The following WDFY1 variants were observed in gnomAD, a reference collection of about 807,000 sequenced individuals.
WDFY1 encodes the protein WD repeat and FYVE domain-containing protein 1.
In WDFY1, 32 loss-of-function variants were observed where a neutral mutation model predicts 56.4. The observed-to-expected ratio is 0.57, with a 90% confidence interval of 0.43 to 0.76. WDFY1 has a LOEUF of 0.76. Ranked by LOEUF, WDFY1 falls within the 30% of genes least tolerant of loss-of-function variation. The pLI is 0.00. For missense variants in WDFY1, 480 were observed against 545.7 expected, an observed-to-expected ratio of 0.88 and a Z score of 1.20; for synonymous variants, 192 against 197.3, an observed-to-expected ratio of 0.97 and a Z score of 0.23.
At chr2:223,916,504 T>TGCACTA (rs1247749730) in intron 2 of WDFY1, among the ~76,000 whole-genome samples, 1 of 152,218 alleles carries the variant, frequency 6.6e-6, no homozygotes, top group Non-Finnish European at 1.5e-5. Flanking sequence ...TCATCACGCA[T>TGCACTA]GCACTAAAGC....
intron 1 of WDFY1, 111 bp downstream of exon 1, chr2:223,945,037 G>C: frequency 7.8e-7 from 1 of 1,287,404 alleles, no homozygotes; most frequent in African/African-American, 1.6e-5. Flanking sequence ...GGGTGGGGCC[G>C]TGCTGCCGGG....
intron 11 of WDFY1, 77 bp downstream of exon 11, chr2:223,880,047 T>A (rs1693038811): frequency 8.0e-7 from 1 of 1,246,180 alleles, no homozygotes; most frequent in Non-Finnish European, 1.2e-6. Context: ...TCAGAAAGAG[T>A]GACTGTCTCC....
At chr2:223,913,444 G>A (rs1261705229) in intron 2 of WDFY1, among the ~76,000 whole-genome samples, 1 of 152,118 alleles carries the variant, frequency 6.6e-6, no homozygotes, top group Non-Finnish European at 1.5e-5. Context: ...GGTACGTACT[G>A]AAATTGTGCA....
At chr2:223,891,695 T>C (rs1332363631) in intron 8 of WDFY1, among the ~76,000 whole-genome samples, 1 of 152,086 alleles carries the variant, frequency 6.6e-6, no homozygotes, top group Admixed American at 6.6e-5. Context: ...CTAAAAGAAT[T>C]TACCAACGAT....
chr2:223,891,929 C>T (rs965873365), intron 8 of WDFY1, among the ~76,000 whole-genome samples: 3 of 152,054 alleles, frequency 2.0e-5, no homozygotes, highest in Admixed American at 6.6e-5. Flanking sequence ...AAACACAGTT[C>T]GAATAAATCT....
chr2:223,922,371 T>C (rs1024660066), intron 1 of WDFY1, among the ~76,000 whole-genome samples: 1 of 152,354 alleles, frequency 6.6e-6, no homozygotes, highest in East Asian at 1.9e-4. Flanking sequence ...TATGGATACA[T>C]TCCGACATAG....
chr2:223,912,421 T>G, intron 2 of WDFY1, 95 bp from the exon 3 acceptor site: 2 of 964,244 alleles, frequency 2.1e-6, no homozygotes, highest in South Asian at 2.8e-5. Context: ...AACTATATAA[T>G]TTAGGTTCAC....
intron 8 of WDFY1, among the ~76,000 whole-genome samples, chr2:223,890,389 T>G (rs1211319056): frequency 1.3e-5 from 2 of 152,144 alleles, no homozygotes; most frequent in African/African-American, 4.8e-5. Flanking sequence ...CGAGAATCGC[T>G]TGAGCCCAGG....
At position 223,945,150 on chromosome 2, in the gene WDFY1, G is replaced by T; in HGVS notation, c.135C>A (p.Asp45Glu). 6.3e-7 allele frequency: 1 copy of T among 1,591,626 alleles called. No homozygotes were observed. Residue 45 changes from aspartate (D) to glutamate (E), a missense_variant and splice_region_variant, in exon 1 of 12, where the codon GAC becomes GAA. Asp to Glu is a conservative substitution (Grantham distance 45, BLOSUM62 2). Coordinates refer to ENST00000233055, the MANE Select transcript of WDFY1 (RefSeq NM_020830.5). ...KEDGVITASE[D>E]RTIRVWLKRD... ...CCCCGGCTGCGCCCGGGCCCTACCT[G>T]TCCTCGCTGGCCGTGATCACGCCGT...
At chr2:223,903,632 C>CAA (rs1188852192) in intron 4 of WDFY1, among the ~76,000 whole-genome samples, 7 of 125,054 alleles carry the variant, frequency 5.6e-5, no homozygotes. Flanking sequence ...AAAATACACA[C>CAA]ACACACACGT....
At chr2:223,925,583 A>G (rs1335770934) in intron 1 of WDFY1, among the ~76,000 whole-genome samples, 1 of 152,214 alleles carries the variant, frequency 6.6e-6, no homozygotes, top group Non-Finnish European at 1.5e-5. Flanking sequence ...AAGACAACCA[A>G]GAAGTTTGTT....
rs541011938 is a variant in WDFY1, at chr2:223,903,394, G to A, written c.335-2061C>T. Among the ~76,000 whole-genome samples, 31 of 151,952 alleles carry A rather than the reference G, an allele frequency of 2.0e-4. 1 individual carries two copies. The highest frequency in any genetic ancestry group is 7.0e-4 in the African/African-American group (29 of 41,430). ...AACAATTAGCTGGCCGTGGTGGCTC[G>A]CACCTGTAATCCCAGCTACTAGGTA... is the stretch of plus-strand genomic sequence containing the variant. On this transcript the variant is annotated intron_variant, in intron 4 of 11. Transcript: ENST00000233055.
At chr2:223,907,583 G>A (rs1163437225) in intron 3 of WDFY1, among the ~76,000 whole-genome samples, 1 of 152,126 alleles carries the variant, frequency 6.6e-6, no homozygotes, top group Non-Finnish European at 1.5e-5. Context: ...CACAAGAAGG[G>A]TCCCTAGGGA....
At chr2:223,901,430 C>T (rs1693506724) in intron 4 of WDFY1, 97 bp from the exon 5 acceptor site, 3 of 1,421,190 alleles carry the variant, frequency 2.1e-6, no homozygotes, top group Middle Eastern at 1.9e-4. Context: ...AGCCAGGGCA[C>T]AGCTGTGTAC....
rs1452312655 is a variant in WDFY1, at chr2:223,898,897, A to G, written c.598+61T>C. On this transcript the variant is annotated intron_variant, in intron 6 of 11. Transcript: ENST00000233055. ...CAGCATTCATGAATCCACATAGTAG[A>G]GAACTGAATTTGGATGTCCAAGTTA... The G allele has an allele frequency of 4.8e-6, 6 of 1,246,070 alleles. No individual in the cohort carries two copies. In the Admixed American group the frequency reaches 5.1e-5, roughly 11 times the overall value. 77.2% of individuals were successfully genotyped at this position (1,246,070 alleles called of 1,614,324 possible).
At chr2:223,906,589 G>A (rs1389202051) in intron 3 of WDFY1, among the ~76,000 whole-genome samples, 1 of 151,332 alleles carries the variant, frequency 6.6e-6, no homozygotes, top group Non-Finnish European at 1.5e-5. Context: ...TTGCTTCCTC[G>A]GCTCACTGCA....
chr2:223,903,218 C>A (rs919761660), intron 4 of WDFY1, among the ~76,000 whole-genome samples: 10 of 152,066 alleles, frequency 6.6e-5, no homozygotes, highest in African/African-American at 2.4e-4. Flanking sequence ...TGCCTTATAG[C>A]CCATAAAGAA....
intron 3 of WDFY1, among the ~76,000 whole-genome samples, chr2:223,908,865 T>A (rs1693644279): frequency 6.6e-6 from 1 of 152,220 alleles, no homozygotes; most frequent in Admixed American, 6.5e-5. Flanking sequence ...ATCTTAAAGC[T>A]GCTCCCTATT....
chr2:223,928,015 A>T (rs567533415), intron 1 of WDFY1, among the ~76,000 whole-genome samples: 2 of 152,300 alleles, frequency 1.3e-5, no homozygotes, highest in Admixed American at 1.3e-4. Flanking sequence ...GAGTATTCAG[A>T]TCACACACAC....
Sources: allele counts gnomAD v4.1 joint callset (sites outside exome capture counted in the v4.1 genomes callset), GRCh38; gene constraint gnomAD v4.1.1; transcripts MANE v1.5; gene names NCBI Gene and HGNC (gene_info 2026-07-23, HGNC 2026-07-21).